The following PTPRD variants were observed in gnomAD, a reference collection of about 807,000 sequenced individuals.
The protein encoded by PTPRD is receptor-type tyrosine-protein phosphatase delta.
Under a neutral mutation model 214.5 loss-of-function variants are expected in PTPRD, and 34 were observed. The observed-to-expected ratio is 0.16, with a 90% confidence interval of 0.12 to 0.21. The LOEUF (loss-of-function observed/expected upper bound fraction) is 0.21, where lower values mean the gene tolerates loss of function less well. Ranked by LOEUF, PTPRD falls within the 10% of genes least tolerant of loss-of-function variation. The probability of loss-of-function intolerance (pLI) is 1.00; values close to 1 mark genes in which losing one functional copy is unlikely to be tolerated. For missense variants in PTPRD, 2,545 were observed against 2,398.7 expected, an observed-to-expected ratio of 1.06 and a Z score of -1.27; for synonymous variants, 1,128 against 845.7, an observed-to-expected ratio of 1.33 and a Z score of -5.79.
chr9:8,558,633 G>C (rs544467618), intron 14 of PTPRD, among the ~76,000 whole-genome samples: 11 of 152,302 alleles, frequency 7.2e-5, no homozygotes, highest in Admixed American at 3.3e-4. Flanking sequence ...CTAGAACCCA[G>C]ACAGTCAACG....
In PTPRD at chr9:10,068,049, G is replaced by A. The variant is rs377359566; in HGVS notation, c.-544-34259C>T. Among the ~76,000 whole-genome samples, 121 of 151,928 alleles carry A rather than the reference G, an allele frequency of 8.0e-4. 2 individuals carry two copies. The South Asian group carries it at 0.022, about 28-fold the overall frequency. On this transcript the variant is annotated intron_variant, in intron 3 of 45. Transcript: ENST00000381196. The stretch of plus-strand genomic sequence containing the variant: ...TTCTGATACAATCCTGAGTTCCTTC[G>A]CTCTAGGTCTTCCAGTTCTGGTAAA...
intron 5 of PTPRD, among the ~76,000 whole-genome samples, chr9:9,829,219 G>A (rs1284890829): frequency 6.6e-6 from 1 of 151,820 alleles, no homozygotes; most frequent in Non-Finnish European, 1.5e-5. Context: ...TAAACTGGTA[G>A]CATGTATAAC....
intron 7 of PTPRD, among the ~76,000 whole-genome samples, chr9:9,613,552 T>A (rs2094665743): frequency 1.3e-5 from 2 of 152,174 alleles, no homozygotes; most frequent in South Asian, 4.1e-4. Context: ...AGCCAAGAAG[T>A]TACAAAGCAT....
chr9:9,103,702 T>C (rs1405184057), intron 10 of PTPRD, among the ~76,000 whole-genome samples: 2 of 152,084 alleles, frequency 1.3e-5, no homozygotes, highest in Non-Finnish European at 2.9e-5. Context: ...GCAATTTGGC[T>C]GGGAATGGTG....
intron 10 of PTPRD, among the ~76,000 whole-genome samples, chr9:9,108,878 A>G (rs571874497): frequency 6.6e-6 from 1 of 152,270 alleles, no homozygotes; most frequent in African/African-American, 2.4e-5. Flanking sequence ...AATAGTTACA[A>G]TTAGCATGCC....
At chr9:9,097,237 G>GA (rs2099784793) in intron 10 of PTPRD, among the ~76,000 whole-genome samples, 1 of 152,090 alleles carries the variant, frequency 6.6e-6, no homozygotes, top group Non-Finnish European at 1.5e-5. Context: ...AAGGACTTGA[G>GA]AAAATCTGTC....
At chr9:9,452,146 GAT>G (rs1173896396) in intron 8 of PTPRD, among the ~76,000 whole-genome samples, 1 of 151,284 alleles carries the variant, frequency 6.6e-6, no homozygotes, top group Non-Finnish European at 1.5e-5. Flanking sequence ...AAAACAAAGA[GAT>G]ATCACAAGTA....
intron 10 of PTPRD, among the ~76,000 whole-genome samples, chr9:9,142,368 A>C (rs2099861982): frequency 6.6e-6 from 1 of 152,190 alleles, no homozygotes; most frequent in African/African-American, 2.4e-5. Context: ...GAGGTTTTAG[A>C]ATGAGCTTGG....
intron 7 of PTPRD, among the ~76,000 whole-genome samples, chr9:9,631,527 T>A (rs1202065653): frequency 6.6e-6 from 1 of 152,190 alleles, no homozygotes; most frequent in Non-Finnish European, 1.5e-5. Context: ...CCTTTTTTTC[T>A]TGTTTTCTAA....
Position 10,204,316 on chromosome 9 carries a change from G to T in PTPRD, c.-545+136647C>A, listed in dbSNP as rs185637904. On this transcript the variant is annotated intron_variant, in intron 3 of 45. Coordinates refer to ENST00000381196, the MANE Select transcript of PTPRD (RefSeq NM_002839.4). Reference sequence around the variant, plus strand: ...CAGTTTTGGTCAACTCTGTCTCAGAGTATCTGTTCCACACCATGACAGTTT... The same window carrying T: ...CAGTTTTGGTCAACTCTGTCTCAGATTATCTGTTCCACACCATGACAGTTT... Among the ~76,000 whole-genome samples, 192 of 152,214 alleles carry T rather than the reference G, an allele frequency of 1.3e-3. 6 individuals are homozygous for T. In the South Asian group the frequency reaches 0.037, roughly 29 times the overall value.
intron 5 of PTPRD, among the ~76,000 whole-genome samples, chr9:9,817,567 A>G (rs1053645424): frequency 6.6e-6 from 1 of 152,174 alleles, no homozygotes; most frequent in African/African-American, 2.4e-5. Flanking sequence ...CTGTATTTAC[A>G]CAGATAGGTC....
At chr9:9,540,120 G>A (rs1591118494) in intron 8 of PTPRD, among the ~76,000 whole-genome samples, 1 of 151,676 alleles carries the variant, frequency 6.6e-6, no homozygotes, top group African/African-American at 2.4e-5. Flanking sequence ...ACCTACTACT[G>A]CATATGTAGC....
At chr9:9,295,364 A>AT (rs927388748) in intron 9 of PTPRD, among the ~76,000 whole-genome samples, 6 of 151,746 alleles carry the variant, frequency 4.0e-5, no homozygotes, top group South Asian at 4.1e-4. Flanking sequence ...TTTTAATACC[A>AT]TTTTTTTCTT....
intron 14 of PTPRD, among the ~76,000 whole-genome samples, chr9:8,565,627 A>G (rs187023186): frequency 2.6e-4 from 40 of 152,344 alleles, no homozygotes; most frequent in African/African-American, 9.1e-4. Flanking sequence ...ATTATATGAA[A>G]AAGAGCACAT....
rs371217336 is a variant in PTPRD, at chr9:9,196,681, T to C, written c.-202-13318A>G. Among the ~76,000 whole-genome samples the C allele has an allele frequency of 6.4e-4, 98 of 152,322 alleles. 1 individual carries two copies. Among genetic ancestry groups the C allele is most frequent in the African/African-American group, 2.1e-3 (88 of 41,590 alleles). Reference sequence around the variant, plus strand: ...TGTGAATATTACGTGAAATCATGCATGCAAAACATCTAGCATATTTCCTGT... The same window carrying C: ...TGTGAATATTACGTGAAATCATGCACGCAAAACATCTAGCATATTTCCTGT... On this transcript the variant is annotated intron_variant, in intron 9 of 45. Transcript: ENST00000381196.
chr9:10,307,788 G>A (rs1324524763), intron 3 of PTPRD, among the ~76,000 whole-genome samples: 1 of 151,802 alleles, frequency 6.6e-6, no homozygotes, highest in Non-Finnish European at 1.5e-5. Flanking sequence ...ATATCATTGT[G>A]GTTTGGGTTG....
chr9:8,934,423 A>ATATATATAAATATATATATATATT (rs1567096825), intron 11 of PTPRD, among the ~76,000 whole-genome samples: 1 of 60,052 alleles, frequency 1.7e-5, no homozygotes, highest in African/African-American at 6.9e-5. Context: ...GTGTGTGTGT[A>ATATATATAAATATATATATATATT]TATATATATA....
intron 7 of PTPRD, among the ~76,000 whole-genome samples, chr9:9,676,170 C>A (rs928673700): frequency 1.3e-5 from 2 of 151,918 alleles, no homozygotes; most frequent in African/African-American, 2.4e-5. Flanking sequence ...TACATGTGCA[C>A]AACGTGCAGG....
chr9:8,788,316 C>T (rs2096078357), intron 11 of PTPRD, among the ~76,000 whole-genome samples: 1 of 133,324 alleles, frequency 7.5e-6, no homozygotes, highest in Non-Finnish European at 1.5e-5. Context: ...GCTTTTGTCG[C>T]CCAGGCAGGA....
Sources: allele counts gnomAD v4.1 joint callset (sites outside exome capture counted in the v4.1 genomes callset), GRCh38; gene constraint gnomAD v4.1.1; transcripts MANE v1.5; gene names NCBI Gene and HGNC (gene_info 2026-07-23, HGNC 2026-07-21).